LMX1A: variants seen among roughly 807,000 people sequenced by gnomAD.
The protein encoded by LMX1A is LIM homeobox transcription factor 1 alpha.
LMX1A carries 15 observed loss-of-function variants against 49.1 expected under a neutral mutation model. The ratio of observed to expected loss-of-function variants is 0.31; its 90% CI spans 0.20 to 0.47. The LOEUF (loss-of-function observed/expected upper bound fraction) is 0.47, where lower values mean the gene tolerates loss of function less well. LMX1A is among the 20% of genes least tolerant of loss of function. LMX1A has a pLI of 1.00. For synonymous variants in LMX1A, 167 were observed against 185.7 expected, an observed-to-expected ratio of 0.90 and a Z score of 0.82; for missense variants, 372 against 475.8, an observed-to-expected ratio of 0.78 and a Z score of 2.03.
intron 3 of LMX1A, among the ~76,000 whole-genome samples, chr1:165,264,042 G>T (rs950245276): frequency 1.3e-5 from 2 of 152,104 alleles, no homozygotes; most frequent in African/African-American, 4.8e-5. Context: ...ATACTTGAAA[G>T]AAAATCCAGA....
intron 3 of LMX1A, among the ~76,000 whole-genome samples, chr1:165,286,774 A>C (rs752229633): frequency 5.5e-4 from 43 of 77,990 alleles, no homozygotes; most frequent in Non-Finnish European, 9.4e-4. Flanking sequence ...AACCCAGCCT[A>C]CTTGGCTCTG....
At chr1:165,204,248 T>C (rs746395755) in intron 8 of LMX1A, among the ~76,000 whole-genome samples, 3 of 152,092 alleles carry the variant, frequency 2.0e-5, no homozygotes, top group Non-Finnish European at 1.5e-5. Context: ...AAGTGCTAAA[T>C]TGAGTGCAGC....
chr1:165,241,369 A>T (rs781393234), intron 4 of LMX1A, among the ~76,000 whole-genome samples: 13 of 152,240 alleles, frequency 8.5e-5, no homozygotes, highest in Non-Finnish European at 1.5e-4. Flanking sequence ...ACACTAGGAG[A>T]TGATAATGGT....
At chr1:165,208,866 C>G (rs535374244) in intron 6 of LMX1A, among the ~76,000 whole-genome samples, 1 of 152,166 alleles carries the variant, frequency 6.6e-6, no homozygotes, top group South Asian at 2.1e-4. Context: ...CCAGGATGGT[C>G]TCGATCTCCT....
Position 165,269,830 on chromosome 1 carries a change from G to A in LMX1A, c.264-20190C>T, listed in dbSNP as rs1438000211. Among the ~76,000 whole-genome samples the A allele has an allele frequency of 2.0e-5, 3 of 152,130 alleles. No individual in the cohort carries two copies. The East Asian group carries it at 5.8e-4, about 29-fold the overall frequency. On this transcript the variant is annotated intron_variant, in intron 3 of 8. Coordinates refer to ENST00000342310, the MANE Select transcript of LMX1A (RefSeq NM_177398.4). ...GCACCGCATGTTCTCACTTATAAGT[G>A]GGAGCCAAACAAGGAGAACACATGG...
intron 4 of LMX1A, among the ~76,000 whole-genome samples, chr1:165,215,186 C>T (rs753325414): frequency 1.3e-5 from 2 of 152,074 alleles, no homozygotes; most frequent in Non-Finnish European, 2.9e-5. Context: ...TGGTGGGTGC[C>T]TGTAATCCCA....
chr1:165,278,446 C>T (rs1654038772), intron 3 of LMX1A, among the ~76,000 whole-genome samples: 1 of 152,186 alleles, frequency 6.6e-6, no homozygotes, highest in Non-Finnish European at 1.5e-5. Flanking sequence ...TTGGAGTAAC[C>T]TCTTTCTCAC....
intron 4 of LMX1A, among the ~76,000 whole-genome samples, chr1:165,216,439 G>A (rs532488300): frequency 6.6e-5 from 10 of 152,174 alleles, no homozygotes; most frequent in African/African-American, 1.9e-4. Flanking sequence ...TTTAGCACTA[G>A]TGATGACTTC....
intron 4 of LMX1A, chr1:165,218,429 C>G (rs1350013786): frequency 6.6e-6 from 1 of 152,286 alleles, no homozygotes; most frequent in Admixed American, 6.5e-5. Flanking sequence ...CAGATAGATG[C>G]CACAAGCCAG....
At chr1:165,259,599 C>T (rs1653363201) in intron 3 of LMX1A, among the ~76,000 whole-genome samples, 1 of 152,090 alleles carries the variant, frequency 6.6e-6, no homozygotes, top group South Asian at 2.1e-4. Context: ...CTCCTGTCCA[C>T]CAAGAGAGCA....
intron 3 of LMX1A, among the ~76,000 whole-genome samples, chr1:165,342,503 G>T (rs766972049): frequency 6.6e-6 from 1 of 152,074 alleles, no homozygotes; most frequent in Non-Finnish European, 1.5e-5. Context: ...TCTTCTGGGG[G>T]CTGGGGGGAA....
At chr1:165,220,927 T>C (rs1162903848) in intron 4 of LMX1A, among the ~76,000 whole-genome samples, 1 of 152,200 alleles carries the variant, frequency 6.6e-6, no homozygotes, top group Non-Finnish European at 1.5e-5. Context: ...TCTTCATCTA[T>C]GAGATGAATT....
chr1:165,274,836 A>G (rs918562241), intron 3 of LMX1A, among the ~76,000 whole-genome samples: 1 of 152,198 alleles, frequency 6.6e-6, no homozygotes. Context: ...AACCTCTCTG[A>G]GCCTCACTCA....
chr1:165,256,733 AG>A (rs1653253576), intron 3 of LMX1A, among the ~76,000 whole-genome samples: 1 of 152,120 alleles, frequency 6.6e-6, no homozygotes, highest in Admixed American at 6.5e-5. Flanking sequence ...CTTTTATTAC[AG>A]GAGTTGAGAA....
rs1654473886 is a variant in LMX1A, at chr1:165,291,833, A to T, written c.264-42193T>A. ...AATCCCAGCACTTTGGGAGGCCGAGACGGGCGGATCACAAGGTCAGGAAAT... is the reference window on the plus strand; with the variant it reads ...AATCCCAGCACTTTGGGAGGCCGAGTCGGGCGGATCACAAGGTCAGGAAAT... On this transcript the variant is annotated intron_variant, in intron 3 of 8. Coordinates refer to ENST00000342310, the MANE Select transcript of LMX1A (RefSeq NM_177398.4). Among the ~76,000 whole-genome samples, 4 of 152,004 alleles carry T rather than the reference A, an allele frequency of 2.6e-5. No individual in the cohort carries two copies. The South Asian group carries it at 8.3e-4, about 32-fold the overall frequency.
At chr1:165,290,555 T>C (rs181936151) in intron 3 of LMX1A, among the ~76,000 whole-genome samples, 79 of 152,304 alleles carry the variant, frequency 5.2e-4, no homozygotes, top group African/African-American at 1.8e-3. Flanking sequence ...CTCAAGATCC[T>C]TAATTTAATC....
chr1:165,264,216 T>C (rs915891332), intron 3 of LMX1A, among the ~76,000 whole-genome samples: 3 of 151,916 alleles, frequency 2.0e-5, no homozygotes, highest in African/African-American at 7.3e-5. Context: ...ACAAAACTCA[T>C]GTGCAAGTCT....
chr1:165,302,205 GT>G (rs199788252), intron 3 of LMX1A, among the ~76,000 whole-genome samples: 32,274 of 150,554 alleles, frequency 0.21, 3,893 homozygotes, highest in Non-Finnish European at 0.25. Flanking sequence ...TGGGAGGCCG[GT>G]GGGGGGCGGG....
chr1:165,239,991 T>C (rs1157282567), intron 4 of LMX1A, among the ~76,000 whole-genome samples: 1 of 152,308 alleles, frequency 6.6e-6, no homozygotes, highest in East Asian at 1.9e-4. Flanking sequence ...TAATTGTGCT[T>C]TGAAGCAGTG....
Sources: allele counts gnomAD v4.1 joint callset (sites outside exome capture counted in the v4.1 genomes callset), GRCh38; gene constraint gnomAD v4.1.1; transcripts MANE v1.5; gene names NCBI Gene and HGNC (gene_info 2026-07-23, HGNC 2026-07-21).